The following PRELID2 variants were observed in gnomAD, a reference collection of about 807,000 sequenced individuals.
PRELID2 encodes PRELI domain-containing protein 2.
A neutral mutation model predicts 28.4 loss-of-function variants in PRELID2; 25 were observed. The observed-to-expected ratio is 0.88, with a 90% confidence interval of 0.64 to 1.23. PRELID2 has a LOEUF of 1.23. Among genes scored for constraint, PRELID2 ranks in the 50% most tolerant of loss-of-function variants. PRELID2 has a pLI of 0.00. For synonymous variants in PRELID2, 76 were observed against 71.6 expected, an observed-to-expected ratio of 1.06 and a Z score of -0.31; for missense variants, 201 against 214.4, an observed-to-expected ratio of 0.94 and a Z score of 0.39.
At chr5:145,245,952 T>C in the PRELID2 span, among the ~76,000 whole-genome samples, 1 of 151,996 alleles carries the variant, frequency 6.6e-6, no homozygotes, top group East Asian at 1.9e-4. Context: ...GCTAATCTTC[T>C]AAGAATCCTC....
chr5:145,412,712 C>G, the PRELID2 span, among the ~76,000 whole-genome samples: 5 of 151,960 alleles, frequency 3.3e-5, no homozygotes, highest in African/African-American at 4.8e-5. Flanking sequence ...CTCCTGGTAC[C>G]AATTTACTGC....
intron 1 of PRELID2, among the ~76,000 whole-genome samples, chr5:145,555,195 C>A (rs1163281651): frequency 6.6e-6 from 1 of 152,172 alleles, no homozygotes; most frequent in Non-Finnish European, 1.5e-5. Context: ...AAAGTGTGAT[C>A]CATGAACCAC....
intron 1 of PRELID2, among the ~76,000 whole-genome samples, chr5:145,548,898 A>G (rs1752809542): frequency 6.6e-6 from 1 of 152,104 alleles, no homozygotes; most frequent in Non-Finnish European, 1.5e-5. Context: ...GATAATCCCA[A>G]TCAAATTTAT....
downstream of PRELID2, among the ~76,000 whole-genome samples, chr5:145,470,274 A>G (rs1016767947): frequency 1.3e-5 from 2 of 152,140 alleles, no homozygotes; most frequent in East Asian, 1.9e-4. Context: ...GCTGTGGTCC[A>G]ATAAGACTTT....
the PRELID2 span, among the ~76,000 whole-genome samples, chr5:145,255,100 G>T: frequency 6.6e-6 from 1 of 151,848 alleles, no homozygotes. Context: ...TCATTTTCTG[G>T]GTATAAATAT....
chr5:145,571,708 G>A (rs534324391), intron 1 of PRELID2, among the ~76,000 whole-genome samples: 1 of 152,064 alleles, frequency 6.6e-6, no homozygotes, highest in Admixed American at 6.5e-5. Context: ...TTGGCCAGGT[G>A]CGGTGGTTCA....
At chr5:145,276,561 C>G in the PRELID2 span, among the ~76,000 whole-genome samples, 1 of 152,050 alleles carries the variant, frequency 6.6e-6, no homozygotes, top group East Asian at 1.9e-4. Flanking sequence ...AATCTCCTCC[C>G]CCTCTGCCAG....
At chr5:145,657,383 A>G (rs1170172443) in intron 1 of PRELID2, among the ~76,000 whole-genome samples, 1 of 152,212 alleles carries the variant, frequency 6.6e-6, no homozygotes, top group Non-Finnish European at 1.5e-5. Flanking sequence ...GGCCTCATCA[A>G]GGATACATTA....
intron 1 of PRELID2, among the ~76,000 whole-genome samples, chr5:145,751,340 G>A (rs1367698648): frequency 1.3e-5 from 2 of 152,174 alleles, no homozygotes; most frequent in African/African-American, 4.8e-5. Flanking sequence ...CCAGTGATTG[G>A]GGGTGGCCTC....
chr5:145,714,313 A>G (rs1755785188), intron 1 of PRELID2, among the ~76,000 whole-genome samples: 1 of 152,166 alleles, frequency 6.6e-6, no homozygotes, highest in Non-Finnish European at 1.5e-5. Context: ...TAACAGGCAC[A>G]AATGCCCAAG....
intron 1 of PRELID2, among the ~76,000 whole-genome samples, chr5:145,588,667 G>A (rs767191871): frequency 2.0e-5 from 3 of 152,048 alleles, no homozygotes; most frequent in Non-Finnish European, 2.9e-5. Context: ...CCTACCTCAT[G>A]CTCTCCTGAA....
At chr5:145,371,741 T>A in the PRELID2 span, among the ~76,000 whole-genome samples, 1 of 151,906 alleles carries the variant, frequency 6.6e-6, no homozygotes, top group Non-Finnish European at 1.5e-5. Context: ...CATTTTTGCC[T>A]AGAGATGTTT....
the PRELID2 span, among the ~76,000 whole-genome samples, chr5:145,417,880 T>C: frequency 2.0e-5 from 3 of 152,238 alleles, no homozygotes; most frequent in African/African-American, 4.8e-5. Context: ...CAACATAGTA[T>C]TGGAAGTTCT....
intron 5 of PRELID2, among the ~76,000 whole-genome samples, chr5:145,769,495 A>G (rs1447487738): frequency 6.6e-6 from 1 of 152,232 alleles, no homozygotes; most frequent in African/African-American, 2.4e-5. Context: ...TTCAAACAGT[A>G]TATTTACTTT....
At chr5:145,404,223 A>G in the PRELID2 span, among the ~76,000 whole-genome samples, 1 of 152,150 alleles carries the variant, frequency 6.6e-6, no homozygotes, top group South Asian at 2.1e-4. Flanking sequence ...AAAATGTATG[A>G]TATATTGGAA....
At chr5:145,598,053 T>C (rs1165670333) in intron 1 of PRELID2, among the ~76,000 whole-genome samples, 1 of 152,162 alleles carries the variant, frequency 6.6e-6, no homozygotes, top group East Asian at 1.9e-4. Flanking sequence ...TAGATTGGCC[T>C]GGAAGGCTTC....
the PRELID2 span, among the ~76,000 whole-genome samples, chr5:145,326,542 C>T: frequency 6.6e-6 from 1 of 152,106 alleles, no homozygotes; most frequent in Non-Finnish European, 1.5e-5. Context: ...TATAGTTTTG[C>T]ATTTTATAGT....
chr5:145,782,562 T>G (rs1484511284), intron 5 of PRELID2, among the ~76,000 whole-genome samples: 1 of 152,236 alleles, frequency 6.6e-6, no homozygotes, highest in Non-Finnish European at 1.5e-5. Context: ...AAAGGCTGTG[T>G]TTATAGAAGG....
the PRELID2 span, among the ~76,000 whole-genome samples, chr5:145,358,379 C>T: frequency 6.6e-6 from 1 of 151,948 alleles, no homozygotes; most frequent in Admixed American, 6.6e-5. Context: ...AGCTCTGCAG[C>T]CATTGTCCCA....
Sources: allele counts gnomAD v4.1 joint callset (sites outside exome capture counted in the v4.1 genomes callset), GRCh38; gene constraint gnomAD v4.1.1; transcripts MANE v1.5; gene names NCBI Gene and HGNC (gene_info 2026-07-23, HGNC 2026-07-21).